The following PRP4K variants were observed in gnomAD, a reference collection of about 807,000 sequenced individuals.
PRP4K encodes the protein serine/threonine-protein kinase PRP4 homolog.
chr6:4,035,511 T>G, the PRP4K span, among the ~76,000 whole-genome samples: 1 of 151,832 alleles, frequency 6.6e-6, no homozygotes, highest in Non-Finnish European at 1.5e-5. Context: ...AATAAAAGAG[T>G]TTCCTCAGAT....
At chr6:4,056,496 T>C in the PRP4K span, 6 of 1,611,842 alleles carry the variant, frequency 3.7e-6, no homozygotes, top group East Asian at 6.7e-5. Context: ...GCATACTTAA[T>C]GTCTAAGCAC....
At chr6:4,021,466 A>C in the PRP4K span, 2 of 1,582,736 alleles carry the variant, frequency 1.3e-6, no homozygotes, top group African/African-American at 1.3e-5. Context: ...GAGCAGCCAG[A>C]GTAAGTAGTC....
the PRP4K span, among the ~76,000 whole-genome samples, chr6:4,024,712 C>T: frequency 8.5e-5 from 13 of 152,268 alleles, no homozygotes; most frequent in African/African-American, 3.1e-4. Flanking sequence ...AAGTGATTCT[C>T]CTGTCTCTGT....
chr6:4,042,705 A>G, the PRP4K span: 1 of 600,444 alleles, frequency 1.7e-6, no homozygotes, highest in Non-Finnish European at 2.7e-6. Context: ...TGAAGTTTGA[A>G]AAAATGATCT....
At chr6:4,024,406 G>A in the PRP4K span, among the ~76,000 whole-genome samples, 8 of 152,088 alleles carry the variant, frequency 5.3e-5, no homozygotes, top group African/African-American at 1.9e-4. Flanking sequence ...AATAGCAGTG[G>A]CGTTCACTTT....
the PRP4K span, chr6:4,043,751 A>G: frequency 1.1e-5 from 17 of 1,482,816 alleles, no homozygotes; most frequent in Admixed American, 7.1e-5. Flanking sequence ...ACTCTTAGCC[A>G]TGAATGTATT....
chr6:4,059,048 A>G, the PRP4K span, among the ~76,000 whole-genome samples: 8 of 152,176 alleles, frequency 5.3e-5, no homozygotes, highest in African/African-American at 1.9e-4. Context: ...GGCCCTCGTC[A>G]CATCTTCTTT....
At chr6:4,060,524 G>A in the PRP4K span, 1 of 1,613,912 alleles carries the variant, frequency 6.2e-7, no homozygotes, top group Non-Finnish European at 8.5e-7. The surrounding 1 kb of genome is among the most constrained non-coding windows in gnomAD (Gnocchi z 4.7). Context: ...CCAGCTAAAG[G>A]ACTTGTTGGA....
chr6:4,027,184 C>G, the PRP4K span, among the ~76,000 whole-genome samples: 7 of 152,296 alleles, frequency 4.6e-5, no homozygotes, highest in South Asian at 1.0e-3. Flanking sequence ...TTTTGACTGA[C>G]TTGAAATAAC....
the PRP4K span, among the ~76,000 whole-genome samples, chr6:4,059,419 C>T: frequency 6.6e-6 from 1 of 152,182 alleles, no homozygotes; most frequent in Admixed American, 6.5e-5. Context: ...AATACACATT[C>T]TGTATGAGCC....
chr6:4,056,279 T>A, the PRP4K span: 2 of 1,402,284 alleles, frequency 1.4e-6, no homozygotes, highest in Admixed American at 1.7e-5. Context: ...GTATTAATTA[T>A]TCCTGGCTTG....
At chr6:4,026,644 C>A in the PRP4K span, among the ~76,000 whole-genome samples, 1 of 152,176 alleles carries the variant, frequency 6.6e-6, no homozygotes, top group South Asian at 2.1e-4. Flanking sequence ...ACAATACTTA[C>A]TGAGCACCTG....
the PRP4K span, among the ~76,000 whole-genome samples, chr6:4,029,689 A>G: frequency 1.2e-4 from 18 of 151,808 alleles, no homozygotes; most frequent in African/African-American, 4.3e-4. Context: ...TTTCTCAGTA[A>G]ACGTTTCTTC....
the PRP4K span, chr6:4,043,663 G>A: frequency 4.7e-4 from 354 of 759,718 alleles, 3 homozygotes; most frequent in Middle Eastern, 4.4e-3. Flanking sequence ...ATAAGGGATT[G>A]CAGATTTGAT....
the PRP4K span, among the ~76,000 whole-genome samples, chr6:4,044,834 G>C: frequency 6.7e-6 from 1 of 148,990 alleles, no homozygotes; most frequent in African/African-American, 2.5e-5. Flanking sequence ...ACCTGCCACA[G>C]ACAATATATG....
chr6:4,029,663 T>G, the PRP4K span, among the ~76,000 whole-genome samples: 1 of 152,102 alleles, frequency 6.6e-6, no homozygotes, highest in Non-Finnish European at 1.5e-5. Flanking sequence ...CAACCTTTAT[T>G]TTTTAATCCC....
the PRP4K span, among the ~76,000 whole-genome samples, chr6:4,027,711 C>A: frequency 6.6e-6 from 1 of 151,652 alleles, no homozygotes; most frequent in African/African-American, 2.4e-5. Context: ...TTGTTTTCTC[C>A]GTCATGTAGA....
the PRP4K span, among the ~76,000 whole-genome samples, chr6:4,033,597 T>C: frequency 6.6e-6 from 1 of 152,154 alleles, no homozygotes; most frequent in Non-Finnish European, 1.5e-5. Flanking sequence ...TATTATGAAA[T>C]TGCCAGCTAG....
At chr6:4,052,813 A>G in the PRP4K span, 663 of 1,612,302 alleles carry the variant, frequency 4.1e-4, 3 homozygotes, top group African/African-American at 7.8e-3. Flanking sequence ...TGTTCCTGGC[A>G]TTGAAACTCC....
Sources: allele counts gnomAD v4.1 joint callset (sites outside exome capture counted in the v4.1 genomes callset), GRCh38; gene constraint gnomAD v4.1.1; non-coding constraint Gnocchi (gnomAD v3.1); transcripts MANE v1.5; gene names NCBI Gene and HGNC (gene_info 2026-07-23, HGNC 2026-07-21).